FAM53A: variants seen among roughly 807,000 people sequenced by gnomAD.
The protein encoded by FAM53A is protein FAM53A.
Under a neutral mutation model 26.6 loss-of-function variants are expected in FAM53A, and 28 were observed. That is an observed-to-expected ratio of 1.05 (90% CI 0.78 to 1.45). The LOEUF is 1.45. Among genes scored for constraint, FAM53A ranks in the 40% most tolerant of loss-of-function variants. FAM53A has a pLI of 0.00. For missense variants in FAM53A, 650 were observed against 575.8 expected (o/e 1.13, Z -1.32); for synonymous variants, 290 against 253.1 (o/e 1.15, Z -1.38).
intron 1 of FAM53A, among the ~76,000 whole-genome samples, chr4:1,628,040 G>A (rs1434358241): frequency 1.2e-4 from 16 of 131,850 alleles, no homozygotes; most frequent in South Asian, 2.7e-4. Context: ...GGTGGCACGG[G>A]GGGAGGGTGC....
At chr4:1,671,212 C>G (rs13129748) in intron 1 of FAM53A, among the ~76,000 whole-genome samples, 3 of 138,070 alleles carry the variant, frequency 2.2e-5, no homozygotes, top group South Asian at 2.3e-4. Context: ...CTCTGTCCCA[C>G]CGTCAGAGCC....
the FAM53A span, among the ~76,000 whole-genome samples, chr4:1,595,182 G>A: frequency 6.6e-6 from 1 of 152,336 alleles, no homozygotes; most frequent in African/African-American, 2.4e-5. Flanking sequence ...CGCACAACTG[G>A]TCCCTCTGCC....
the FAM53A span, among the ~76,000 whole-genome samples, chr4:1,584,826 C>T: frequency 0.024 from 3,599 of 152,264 alleles, 121 homozygotes; most frequent in African/African-American, 0.082. Context: ...GACCTAGCCT[C>T]GAAAGTCATG....
intron 1 of FAM53A, among the ~76,000 whole-genome samples, chr4:1,679,763 C>A (rs1715286439): frequency 6.7e-6 from 1 of 149,870 alleles, no homozygotes; most frequent in Admixed American, 6.7e-5. Context: ...CCCTCACCAA[C>A]TGGGGCCGGG....
intron 1 of FAM53A, among the ~76,000 whole-genome samples, chr4:1,623,214 G>A (rs2108749593): frequency 6.6e-6 from 1 of 152,336 alleles, no homozygotes; most frequent in South Asian, 2.1e-4. Flanking sequence ...CAGCGGTAGA[G>A]GAGACTGTGT....
intron 4 of FAM53A, 120 bp from the exon 5 acceptor site, chr4:1,641,727 A>C: frequency 1.0e-6 from 1 of 990,542 alleles, no homozygotes; most frequent in Non-Finnish European, 1.6e-6. Context: ...GACCACACAA[A>C]GCAGGGGCCT....
At chr4:1,590,862 C>T in the FAM53A span, among the ~76,000 whole-genome samples, 1 of 148,656 alleles carries the variant, frequency 6.7e-6, no homozygotes, top group African/African-American at 2.5e-5. Context: ...AGGAATTTGT[C>T]GAAAATTCTA....
the FAM53A span, among the ~76,000 whole-genome samples, chr4:1,612,552 A>C: frequency 6.6e-6 from 1 of 152,154 alleles, no homozygotes; most frequent in Admixed American, 6.5e-5. Flanking sequence ...ACGGACCTGC[A>C]CCCACACATC....
At chr4:1,603,896 A>G in the FAM53A span, among the ~76,000 whole-genome samples, 25,122 of 152,204 alleles carry the variant, frequency 0.17, 2,581 homozygotes, top group East Asian at 0.45. Flanking sequence ...CAGGCCTGAC[A>G]TTGGCCGGTG....
intron 4 of FAM53A, among the ~76,000 whole-genome samples, chr4:1,641,926 G>A (rs1322836533): frequency 1.3e-5 from 2 of 152,136 alleles, no homozygotes; most frequent in African/African-American, 4.8e-5. Context: ...ACCTAAGCAA[G>A]CCCCAAGATG....
chr4:1,661,185 G>C (rs1713807554), intron 2 of FAM53A, among the ~76,000 whole-genome samples: 2 of 152,122 alleles, frequency 1.3e-5, no homozygotes, highest in African/African-American at 2.4e-5. Flanking sequence ...GGACTCCTGA[G>C]AGTCAGATCC....
At chr4:1,657,134 G>A (rs893152143) in intron 3 of FAM53A, among the ~76,000 whole-genome samples, 9 of 152,216 alleles carry the variant, frequency 5.9e-5, no homozygotes, top group African/African-American at 1.7e-4. Context: ...CAGAAAGGGC[G>A]CAGCAGACCC....
At chr4:1,604,571 G>A in the FAM53A span, among the ~76,000 whole-genome samples, 1 of 152,084 alleles carries the variant, frequency 6.6e-6, no homozygotes, top group South Asian at 2.1e-4. Flanking sequence ...GACTCAGGGC[G>A]GGTCAGGGCC....
the FAM53A span, among the ~76,000 whole-genome samples, chr4:1,594,115 G>A: frequency 6.6e-6 from 1 of 152,194 alleles, no homozygotes; most frequent in African/African-American, 2.4e-5. Flanking sequence ...CAGCAGGGCA[G>A]CCAAGCCGGA....
intron 4 of FAM53A, among the ~76,000 whole-genome samples, chr4:1,652,147 C>CCA (rs1468888171): frequency 7.2e-6 from 1 of 139,856 alleles, no homozygotes; most frequent in African/African-American, 2.8e-5. Flanking sequence ...ACCACACACA[C>CCA]CACACGTCAC....
At chr4:1,650,686 G>A (rs1712699473) in intron 4 of FAM53A, among the ~76,000 whole-genome samples, 3 of 151,536 alleles carry the variant, frequency 2.0e-5, no homozygotes, top group Admixed American at 6.6e-5. Flanking sequence ...AGTAGAGGCG[G>A]GGTTTCACCA....
chr4:1,577,043 C>T, the FAM53A span, among the ~76,000 whole-genome samples: 3 of 150,814 alleles, frequency 2.0e-5, no homozygotes, highest in African/African-American at 4.9e-5. Context: ...GGTAGTGTTC[C>T]GGGTCCTCTC....
intron 4 of FAM53A, among the ~76,000 whole-genome samples, chr4:1,647,165 T>C (rs539607460): frequency 1.1e-4 from 14 of 128,810 alleles, no homozygotes; most frequent in African/African-American, 4.0e-4. Context: ...TGAAACCCCC[T>C]CTCTACTAAA....
At chr4:1,684,966 C>T (rs887307149), upstream of FAM53A, among the ~76,000 whole-genome samples, 3 of 152,122 alleles carry the variant, frequency 2.0e-5, no homozygotes, top group African/African-American at 7.2e-5. Flanking sequence ...GATGAGCACC[C>T]TGCAGAGGAG....
Sources: allele counts gnomAD v4.1 joint callset (sites outside exome capture counted in the v4.1 genomes callset), GRCh38; gene constraint gnomAD v4.1.1; transcripts MANE v1.5; gene names NCBI Gene and HGNC (gene_info 2026-07-23, HGNC 2026-07-21).